The following ZC3HAV1 variants were observed in gnomAD, a reference collection of about 807,000 sequenced individuals.
The protein encoded by ZC3HAV1 is zinc finger CCCH-type antiviral protein 1.
ZC3HAV1 carries 41 observed loss-of-function variants against 86.6 expected under a neutral mutation model. That is an observed-to-expected ratio of 0.47 (90% CI 0.37 to 0.61). The LOEUF (loss-of-function observed/expected upper bound fraction) is 0.61, where lower values mean the gene tolerates loss of function less well. Ranked by LOEUF, ZC3HAV1 falls within the 20% of genes least tolerant of loss-of-function variation. The probability of loss-of-function intolerance (pLI) is 0.00; values close to 1 mark genes in which losing one functional copy is unlikely to be tolerated. For synonymous variants in ZC3HAV1, 421 were observed against 432.1 expected, an observed-to-expected ratio of 0.97 and a Z score of 0.32; for missense variants, 964 against 1,141.1, an observed-to-expected ratio of 0.84 and a Z score of 2.24.
chr7:139,061,350 G>A (rs537129990), intron 8 of ZC3HAV1, among the ~76,000 whole-genome samples: 4 of 152,296 alleles, frequency 2.6e-5, no homozygotes, highest in African/African-American at 9.6e-5. Context: ...GCAAAGGAGT[G>A]AATGAATATT....
rs1818007431 is a variant in ZC3HAV1 at position 139,108,637 on chromosome 7, A to G, written c.308+387T>C. Among the ~76,000 whole-genome samples, 1 of 152,116 alleles carries G rather than the reference A, an allele frequency of 6.6e-6. No homozygotes were observed. Among genetic ancestry groups the G allele is most frequent in the Admixed American group, 6.5e-5 (1 of 15,276 alleles). ...GGTAGTAGGGAGGGAAAGACTCAAG[A>G]TACCAAAGACGGGAGGCTCTTTCCT... is the stretch of plus-strand genomic sequence containing the variant. On this transcript the variant is annotated intron_variant, in intron 1 of 12. Transcript: ENST00000242351. The surrounding 1 kb of genome is among the most constrained non-coding windows in gnomAD (Gnocchi z 4.2).
At chr7:139,060,988 T>C (rs1366583671) in intron 9 of ZC3HAV1, 48 bp downstream of exon 9, 13 of 1,611,428 alleles carry the variant, frequency 8.1e-6, no homozygotes, top group Non-Finnish European at 1.1e-5. Context: ...GCCCAGGGCA[T>C]GAACATCTCA....
At position 139,079,526 on chromosome 7, in the gene ZC3HAV1, A is replaced by T. The variant is rs1221256091; in HGVS notation, c.1415T>A (p.Val472Asp). Residue 472 changes from valine to aspartate, a missense_variant, in exon 4 of 13, where the codon GTC (valine) becomes GAC (aspartate). Transcript: ENST00000242351. Reference sequence around the variant, plus strand: ...ATCTGCGATTCTGCCAGTGGCCTGGACATCTCGGGAAGCAGGTCCAGCATC... The same window carrying T: ...ATCTGCGATTCTGCCAGTGGCCTGGTCATCTCGGGAAGCAGGTCCAGCATC... The part of the protein sequence containing the change: ...IQDAGPASRD[V>D]QATGRIADDA... 6.2e-7 allele frequency: 1 copy of T among 1,614,132 alleles called. No individual in the cohort carries two copies. The highest frequency in any genetic ancestry group is 1.3e-5 in the African/African-American group (1 of 75,016).
chr7:139,104,699 GCAACAGA>G (rs1315852159), intron 1 of ZC3HAV1, among the ~76,000 whole-genome samples: 48 of 112,838 alleles, frequency 4.3e-4, no homozygotes, highest in Middle Eastern at 6.4e-3. Context: ...CTCCAGCCTG[GCAACAGA>G]GCGAGACTCT....
chr7:139,066,338 T>C (rs894968529), intron 7 of ZC3HAV1, among the ~76,000 whole-genome samples: 8 of 152,158 alleles, frequency 5.3e-5, no homozygotes, highest in Non-Finnish European at 8.8e-5. Flanking sequence ...GGCAACAGAA[T>C]GTACGTGTCC....
At chr7:139,086,311 C>T (rs575396337) in intron 2 of ZC3HAV1, among the ~76,000 whole-genome samples, 105 of 152,220 alleles carry the variant, frequency 6.9e-4, no homozygotes, top group South Asian at 2.9e-3. Flanking sequence ...TAATGCAGTC[C>T]CCCATTCTGG....
intron 1 of ZC3HAV1, among the ~76,000 whole-genome samples, chr7:139,100,401 G>A (rs1178770461): frequency 6.6e-6 from 1 of 151,956 alleles, no homozygotes; most frequent in Non-Finnish European, 1.5e-5. Context: ...GCCAGGGGTG[G>A]TGGCATGCAC....
intron 9 of ZC3HAV1, among the ~76,000 whole-genome samples, chr7:139,059,027 T>C (rs1158510291): frequency 1.3e-5 from 2 of 152,162 alleles, no homozygotes; most frequent in East Asian, 3.8e-4. Context: ...AAATGCAGTT[T>C]TGTTGCTTTA....
At chr7:139,094,696 G>A (rs6969734) in intron 1 of ZC3HAV1, among the ~76,000 whole-genome samples, 4,648 of 152,226 alleles carry the variant, frequency 0.031, 232 homozygotes, top group African/African-American at 0.11. Flanking sequence ...CCTGCACAGT[G>A]ATTCTCATTC....
intron 2 of ZC3HAV1, 56 bp downstream of exon 2, chr7:139,089,568 T>G: frequency 6.6e-7 from 1 of 1,514,362 alleles, no homozygotes; most frequent in African/African-American, 1.4e-5. Context: ...AAAATATCTG[T>G]GACACAATAC....
intron 1 of ZC3HAV1, among the ~76,000 whole-genome samples, chr7:139,094,588 G>T (rs1370441058): frequency 6.6e-6 from 1 of 151,248 alleles, no homozygotes; most frequent in Non-Finnish European, 1.5e-5. Context: ...AAAAACAAAC[G>T]ACCTTTTCAC....
intron 1 of ZC3HAV1, among the ~76,000 whole-genome samples, chr7:139,107,657 G>T (rs1237672784): frequency 6.6e-6 from 1 of 152,132 alleles, no homozygotes; most frequent in Non-Finnish European, 1.5e-5. Context: ...ACAAAAATTG[G>T]CCGGGTGCGA....
In ZC3HAV1 at chr7:139,045,222, T is replaced by C. The variant is rs1461109415; in HGVS notation, c.*2372A>G. 6.6e-6 allele frequency: 1 copy of C among 152,130 alleles called. No individual in the cohort carries two copies. Among genetic ancestry groups the C allele is most frequent in the Non-Finnish European group, 1.5e-5 (1 of 68,032 alleles). 9.4% of individuals were successfully genotyped at this position (152,130 alleles called of 1,614,324 possible). ...AATAAAGAAGATGTATTTCTATTTG[T>C]CGTTTAGAAAAAAAAAGGCAGAAAT... On this transcript the variant is annotated 3_prime_UTR_variant, in exon 13 of 13. Coordinates refer to ENST00000242351, the MANE Select transcript of ZC3HAV1 (RefSeq NM_020119.4).
intron 8 of ZC3HAV1, among the ~76,000 whole-genome samples, chr7:139,061,979 C>A (rs182107826): frequency 6.6e-6 from 1 of 152,296 alleles, no homozygotes; most frequent in East Asian, 1.9e-4. Context: ...ATGCAATGTG[C>A]CTACTGCAAG....
At chr7:139,101,503 T>C (rs868317413) in intron 1 of ZC3HAV1, among the ~76,000 whole-genome samples, 4 of 100,946 alleles carry the variant, frequency 4.0e-5, no homozygotes, top group Non-Finnish European at 7.8e-5. Flanking sequence ...CCACCCCGTC[T>C]GGGAGGTGTA....
At position 139,108,009 on chromosome 7, in the gene ZC3HAV1, A is replaced by G. The variant is rs999394539; in HGVS notation, c.308+1015T>C. Among the ~76,000 whole-genome samples the G allele has an allele frequency of 2.0e-5, 3 of 152,168 alleles. No homozygotes were observed. The highest frequency in any genetic ancestry group is 7.2e-5 in the African/African-American group (3 of 41,440). Reference sequence around the variant, plus strand: ...CCAAGAAGGGAAAGAGACTTCACAAAAAGGACTTGGTGATGACAGATTGTG... The same window carrying G: ...CCAAGAAGGGAAAGAGACTTCACAAGAAGGACTTGGTGATGACAGATTGTG... On this transcript the variant is annotated intron_variant, in intron 1 of 12. Transcript: ENST00000242351. This position sits in a 1 kb window ranked among gnomAD's most constrained non-coding sequence, Gnocchi z 4.2.
At chr7:139,078,153 C>T (rs1817009381) in intron 5 of ZC3HAV1, among the ~76,000 whole-genome samples, 1 of 152,184 alleles carries the variant, frequency 6.6e-6, no homozygotes, top group African/African-American at 2.4e-5. Context: ...GCAGGAGAAT[C>T]ACTTGAACCC....
At chr7:139,105,684 A>G (rs1297416006) in intron 1 of ZC3HAV1, among the ~76,000 whole-genome samples, 1 of 152,224 alleles carries the variant, frequency 6.6e-6, no homozygotes, top group African/African-American at 2.4e-5. Context: ...TACACCCAGC[A>G]CAATGCAAAT....
At chr7:139,099,940 T>G (rs946425132) in intron 1 of ZC3HAV1, among the ~76,000 whole-genome samples, 2 of 151,314 alleles carry the variant, frequency 1.3e-5, no homozygotes, top group African/African-American at 4.9e-5. Flanking sequence ...AATAAATAAA[T>G]AAACCTCAAA....
Sources: gnomAD v4.1 joint callset for allele counts (sites outside exome capture counted in the v4.1 genomes callset) on GRCh38, gnomAD v4.1.1 for gene constraint, Gnocchi (gnomAD v3.1) non-coding constraint, MANE v1.5 for transcripts, NCBI Gene and HGNC (gene_info 2026-07-23, HGNC 2026-07-21) for gene names.